LINGO3: variants seen among roughly 807,000 people sequenced by gnomAD.
LINGO3 encodes leucine-rich repeat and immunoglobulin-like domain-containing nogo receptor-interacting protein 3.
For synonymous variants in LINGO3, 427 were observed against 444.2 expected (o/e 0.96, Z 0.49); for missense variants, 750 against 867.7 (o/e 0.86, Z 1.70).
chr19:2,291,692 A>G, exon 1 of LINGO3: 3 of 1,339,764 alleles, frequency 2.2e-6, no homozygotes, highest in Non-Finnish European at 2.9e-6. Context: ...GTGCACTCGC[A>G]GCGGGCCGGG....
the LINGO3 span, among the ~76,000 whole-genome samples, chr19:2,307,316 A>G: frequency 6.6e-6 from 1 of 152,188 alleles, no homozygotes; most frequent in Non-Finnish European, 1.5e-5. Flanking sequence ...TAGCGCCCCA[A>G]GCACACGTTG....
At chr19:2,288,047 C>A (rs2025482022), downstream of LINGO3, among the ~76,000 whole-genome samples, 1 of 152,178 alleles carries the variant, frequency 6.6e-6, no homozygotes, top group Non-Finnish European at 1.5e-5. This position sits in a 1 kb window ranked among gnomAD's most constrained non-coding sequence, Gnocchi z 6.5. Context: ...CCTGTGGTCC[C>A]GGTCTGGTGC....
chr19:2,288,267 C>T (rs921637686), downstream of LINGO3, among the ~76,000 whole-genome samples: 50 of 152,208 alleles, frequency 3.3e-4, no homozygotes, highest in African/African-American at 9.7e-4. This position sits in a 1 kb window ranked among gnomAD's most constrained non-coding sequence, Gnocchi z 6.5. Flanking sequence ...CCCGAGGACC[C>T]GGGTCCAGGC....
the LINGO3 span, among the ~76,000 whole-genome samples, chr19:2,301,428 T>C: frequency 8.2e-4 from 125 of 152,132 alleles, no homozygotes; most frequent in African/African-American, 2.6e-3. Context: ...CAGGCACAAA[T>C]GTCCCTGGAC....
Position 2,290,082 on chromosome 19 carries a change from C to T in LINGO3, c.1695G>A (p.Val565=), listed in dbSNP as rs767533669. The change falls in exon 1 of 1, where the codon GTG becomes GTA. Residue 565 remains valine (V), a synonymous_variant. Transcript: ENST00000585527. This position sits in a 1 kb window ranked among gnomAD's most constrained non-coding sequence, Gnocchi z 6.0. The stretch of plus-strand genomic sequence containing the variant: ...CATCCACCTTGCGGAAGGAGTACTC[C>T]ACCGAGAAGTTGTTTTTGTGCTGCC... The T allele has an allele frequency of 2.5e-6, 4 of 1,583,296 alleles. No homozygotes were observed. In the African/African-American group the frequency reaches 4.0e-5, roughly 16 times the overall value.
At chr19:2,293,625 G>C (rs541930807), upstream of LINGO3, among the ~76,000 whole-genome samples, 3 of 151,482 alleles carry the variant, frequency 2.0e-5, no homozygotes, top group Non-Finnish European at 4.4e-5. Flanking sequence ...CTCCCAAAGT[G>C]CTGGGATTAC....
chr19:2,304,951 T>G, the LINGO3 span, among the ~76,000 whole-genome samples: 47 of 152,160 alleles, frequency 3.1e-4, 1 homozygote, highest in East Asian at 8.9e-3. Context: ...TCCAGTGATC[T>G]GCCTGCCTCG....
chr19:2,291,681 G>C, exon 1 of LINGO3: 6 of 1,344,524 alleles, frequency 4.5e-6, no homozygotes, highest in East Asian at 3.3e-5. Context: ...GGGTCTGCAC[G>C]GTGCACTCGC....
rs1273879281 is a variant in LINGO3 at position 2,290,649 on chromosome 19, C to T, written c.1128G>A (p.Leu376=). 3 of 1,602,188 alleles carry T rather than the reference C, an allele frequency of 1.9e-6. No homozygotes were observed. The highest frequency in any genetic ancestry group is 3.3e-4 in the Middle Eastern group (2 of 6,044). Residue 376 remains leucine, a synonymous_variant, in exon 1 of 1, where the codon CTG becomes CTA. Transcript: ENST00000585527. The surrounding 1 kb of genome is among the most constrained non-coding windows in gnomAD (Gnocchi z 6.0). The stretch of plus-strand genomic sequence containing the variant: ...CCTCGGCCGGGGTGGCGCAGGCCGG[C>T]AGCCGCCCGTCGAAGTTGAGGGTCT...
the LINGO3 span, among the ~76,000 whole-genome samples, chr19:2,297,829 T>C: frequency 1.3e-5 from 2 of 151,826 alleles, no homozygotes; most frequent in Admixed American, 1.3e-4. Flanking sequence ...GGTCTCAAAC[T>C]CCTAACCTCA....
upstream of LINGO3, among the ~76,000 whole-genome samples, chr19:2,294,247 T>C (rs182826919): frequency 3.3e-5 from 5 of 151,870 alleles, no homozygotes; most frequent in East Asian, 9.7e-4. This position sits in a 1 kb window ranked among gnomAD's most constrained non-coding sequence, Gnocchi z 4.3. Flanking sequence ...ACAGGGGAAA[T>C]AGAGCCGTGT....
At position 2,291,995 on chromosome 19, in the gene LINGO3, T is replaced by C. The variant is rs1178054668; in HGVS notation, c.-219A>G. On this transcript the variant is annotated 5_prime_UTR_variant, in exon 1 of 1. Transcript: ENST00000585527. ...TGAGTTCAAGAGTTCGAGACCAGCC[T>C]GCACAACATAGCAAGACTCCCATCT... 5.2e-6 allele frequency: 3 copies of C among 578,392 alleles called. No homozygotes were observed. In the East Asian group the frequency reaches 1.2e-4, roughly 23 times the overall value. 35.8% of individuals were successfully genotyped at this position (578,392 alleles called of 1,614,324 possible).
exon 1 of LINGO3, chr19:2,291,551 C>G: frequency 6.3e-7 from 1 of 1,593,236 alleles, no homozygotes; most frequent in South Asian, 1.1e-5. Flanking sequence ...GCGGGCAGCG[C>G]GGCCAGGTCG....
downstream of LINGO3, chr19:2,289,758 T>G: frequency 1.3e-5 from 2 of 154,248 alleles, no homozygotes; most frequent in Non-Finnish European, 2.5e-5. Context: ...ACCCCCCAGC[T>G]CAGCCACCAT....
chr19:2,291,865 C>G (rs1409150307), exon 1 of LINGO3: 1 of 1,194,774 alleles, frequency 8.4e-7, no homozygotes, highest in Admixed American at 2.1e-5. Context: ...ACCGTTAGCA[C>G]CCCTCCGCGG....
At chr19:2,294,135 G>A (rs557051714), upstream of LINGO3, among the ~76,000 whole-genome samples, 1 of 152,328 alleles carries the variant, frequency 6.6e-6, no homozygotes, top group East Asian at 1.9e-4. This position sits in a 1 kb window ranked among gnomAD's most constrained non-coding sequence, Gnocchi z 4.3. Context: ...CTTTACAGAT[G>A]TGCTCAGGGC....
At chr19:2,302,353 T>C in the LINGO3 span, among the ~76,000 whole-genome samples, 1 of 152,158 alleles carries the variant, frequency 6.6e-6, no homozygotes, top group Non-Finnish European at 1.5e-5. Flanking sequence ...TGAGCCACAA[T>C]GCCCGGCCCC....
the LINGO3 span, among the ~76,000 whole-genome samples, chr19:2,300,179 A>C: frequency 2.6e-5 from 4 of 151,504 alleles, no homozygotes; most frequent in Admixed American, 2.6e-4. Context: ...TTAAAGGTGC[A>C]TGCCACCACA....
the LINGO3 span, among the ~76,000 whole-genome samples, chr19:2,299,955 T>C: frequency 1.4e-5 from 2 of 147,406 alleles, no homozygotes; most frequent in Admixed American, 6.8e-5. Flanking sequence ...ACTCTCCTGA[T>C]CTCGTGATCC....
Sources: gnomAD v4.1 joint callset for allele counts (sites outside exome capture counted in the v4.1 genomes callset) on GRCh38, gnomAD v4.1.1 for gene constraint, Gnocchi (gnomAD v3.1) non-coding constraint, MANE v1.5 for transcripts, NCBI Gene and HGNC (gene_info 2026-07-23, HGNC 2026-07-21) for gene names.